Variants in PCDHGB7 observed in about 807,000 individuals in gnomAD.
PCDHGB7 encodes the protein protocadherin gamma subfamily B, 7.
A neutral mutation model predicts 61.4 loss-of-function variants in PCDHGB7; 37 were observed. The ratio of observed to expected loss-of-function variants is 0.60; its 90% CI spans 0.46 to 0.79. The LOEUF is 0.79. Ranked by LOEUF, PCDHGB7 falls within the 30% of genes least tolerant of loss-of-function variation. The probability of loss-of-function intolerance (pLI) is 0.00; values close to 1 mark genes in which losing one functional copy is unlikely to be tolerated. For missense variants in PCDHGB7, 1,166 were observed against 1,202.5 expected, an observed-to-expected ratio of 0.97 and a Z score of 0.45; for synonymous variants, 464 against 503.5, an observed-to-expected ratio of 0.92 and a Z score of 1.05.
Position 141,477,856 on chromosome 5 carries a change from G to T in PCDHGB7, c.2416-16951G>T, listed in dbSNP as rs773703641. ...CAGGTGGGAGCTCGGTGGAGATGCTGCCTCGAGGTACCTCAGCTGGCCACC... is the reference window on the plus strand; with the variant it reads ...CAGGTGGGAGCTCGGTGGAGATGCTTCCTCGAGGTACCTCAGCTGGCCACC... On this transcript the variant is annotated intron_variant, in intron 1 of 3. Coordinates refer to ENST00000398594, the MANE Select transcript of PCDHGB7 (RefSeq NM_018927.4). This position sits in a 1 kb window ranked among gnomAD's most constrained non-coding sequence, Gnocchi z 4.9. 1 of 1,613,474 alleles carries T rather than the reference G, an allele frequency of 6.2e-7. No homozygotes were observed. Among genetic ancestry groups the T allele is most frequent in the Non-Finnish European group, 8.5e-7 (1 of 1,179,854 alleles).
intron 1 of PCDHGB7, among the ~76,000 whole-genome samples, chr5:141,462,337 T>C (rs1053544147): frequency 6.6e-6 from 1 of 152,260 alleles, no homozygotes; most frequent in Non-Finnish European, 1.5e-5. Context: ...TTAATTGTAT[T>C]GTGATCCAAA....
intron 2 of PCDHGB7, among the ~76,000 whole-genome samples, chr5:141,501,984 G>A (rs989251578): frequency 2.0e-5 from 3 of 152,042 alleles, no homozygotes; most frequent in African/African-American, 4.8e-5. Context: ...ATCTGGTCCC[G>A]TTGTCTCCCT....
chr5:141,485,607 C>T lies in PCDHGB7; in HGVS notation c.2416-9200C>T. On this transcript the variant is annotated intron_variant, in intron 1 of 3. Coordinates refer to ENST00000398594, the MANE Select transcript of PCDHGB7 (RefSeq NM_018927.4). The surrounding 1 kb of genome is among the most constrained non-coding windows in gnomAD (Gnocchi z 5.7). ...CAGCTGGACTTGGAAATTGGGGAGG[C>T]AGCTCCTCCAGGACAGCGTTTCCCG... is the stretch of plus-strand genomic sequence containing the variant. 1 of 1,612,008 alleles carries T rather than the reference C, an allele frequency of 6.2e-7. No individual in the cohort carries two copies. The highest frequency in any genetic ancestry group is 8.5e-7 in the Non-Finnish European group (1 of 1,178,534).
intron 1 of PCDHGB7, among the ~76,000 whole-genome samples, chr5:141,448,043 G>A (rs1000669754): frequency 3.3e-5 from 5 of 151,870 alleles, no homozygotes; most frequent in African/African-American, 1.2e-4. Context: ...CCAAGATCAT[G>A]CCATTGCTCT....
intron 1 of PCDHGB7, chr5:141,478,531 C>G (rs771145308): frequency 1.2e-6 from 2 of 1,608,190 alleles, no homozygotes; most frequent in East Asian, 2.2e-5. Context: ...GTGCAGAGAG[C>G]GCCCCTCCCG....
In PCDHGB7 at chr5:141,421,903, G is replaced by T. The variant is rs757656265; in HGVS notation, c.2415+1629G>T. 2.5e-6 allele frequency: 4 copies of T among 1,613,704 alleles called. No homozygotes were observed. In the East Asian group the frequency reaches 6.7e-5, roughly 27 times the overall value. ...TGGAGGCGATCCCATCCGAAAGGGCGCAGTTCCCATTCGTGTGGTGGTCCT... is the reference window on the plus strand; with the variant it reads ...TGGAGGCGATCCCATCCGAAAGGGCTCAGTTCCCATTCGTGTGGTGGTCCT... On this transcript the variant is annotated intron_variant, in intron 1 of 3. Transcript: ENST00000398594.
intron 1 of PCDHGB7, among the ~76,000 whole-genome samples, chr5:141,482,141 A>C (rs1302783884): frequency 6.6e-6 from 1 of 152,116 alleles, no homozygotes; most frequent in African/African-American, 2.4e-5. Flanking sequence ...GCTGGCATAA[A>C]AAGGTCAAGT....
rs61612330 is a variant in PCDHGB7, at chr5:141,454,796, A to ATTTTTTTTTTTTTTTTTT, written c.2415+34534_2415+34551dup. Reference sequence around the variant, plus strand: ...AAGGAAATAATCCTCCATGGTTCTAATTTTTTTTTTTTTTTTTTTTTTTTT... The same window carrying ATTTTTTTTTTTTTTTTTT: ...AAGGAAATAATCCTCCATGGTTCTAATTTTTTTTTTTTTTTTTTTTTTTTTTTTTTTTTTTTTTTTTTT... On this transcript the variant is annotated intron_variant, in intron 1 of 3. Coordinates refer to ENST00000398594, the MANE Select transcript of PCDHGB7 (RefSeq NM_018927.4). 9.0e-4 allele frequency among the ~76,000 whole-genome samples: 70 copies of ATTTTTTTTTTTTTTTTTT among 77,458 alleles called. 9 individuals carry two copies. Among genetic ancestry groups the ATTTTTTTTTTTTTTTTTT allele is most frequent in the Non-Finnish European group, 1.1e-3 (48 of 42,814 alleles). The allele number at this position is 77,458 out of a possible 152,430, so 50.8% of individuals were successfully genotyped here. A position where few individuals can be genotyped will look rare whatever the true frequency, so the allele number is the denominator to read the frequency against.
intron 1 of PCDHGB7, among the ~76,000 whole-genome samples, chr5:141,480,195 G>C (rs1350891459): frequency 6.6e-6 from 1 of 151,182 alleles, no homozygotes; most frequent in African/African-American, 2.4e-5. Flanking sequence ...CTTGAGGCCA[G>C]CAGTTCAAGA....
At chr5:141,492,993 G>A (rs952802686) in intron 1 of PCDHGB7, among the ~76,000 whole-genome samples, 5 of 152,216 alleles carry the variant, frequency 3.3e-5, no homozygotes, top group African/African-American at 1.2e-4. Flanking sequence ...CTGGCAGATG[G>A]AAAGCTATAG....
Position 141,431,240 on chromosome 5 carries a change from G to A in PCDHGB7, c.2415+10966G>A, listed in dbSNP as rs1402814836. 6 of 1,614,044 alleles carry A rather than the reference G, an allele frequency of 3.7e-6. No individual in the cohort carries two copies. Among genetic ancestry groups the A allele is most frequent in the Non-Finnish European group, 5.1e-6 (6 of 1,180,056 alleles). On this transcript the variant is annotated intron_variant, in intron 1 of 3. Coordinates refer to ENST00000398594, the MANE Select transcript of PCDHGB7 (RefSeq NM_018927.4). The surrounding 1 kb of genome is among the most constrained non-coding windows in gnomAD (Gnocchi z 4.8). Reference sequence around the variant, plus strand: ...CCCTCTACCCCACGCCTGGGATCCGGATATCGGGAAGAACTCTCTGCAGAG... The same window carrying A: ...CCCTCTACCCCACGCCTGGGATCCGAATATCGGGAAGAACTCTCTGCAGAG...
chr5:141,463,616 T>C (rs941383375), intron 1 of PCDHGB7, among the ~76,000 whole-genome samples: 28 of 151,762 alleles, frequency 1.8e-4, no homozygotes, highest in Non-Finnish European at 2.1e-4. Flanking sequence ...GCCCGGCTAA[T>C]TTTTTGTATT....
At position 141,476,946 on chromosome 5, in the gene PCDHGB7, G is replaced by A; in HGVS notation, c.2416-17861G>A. ...ACGGATCTGGATGAAGGCCCCAACG[G>A]TGAAATTATTTACTCCTTCGGCAGC... On this transcript the variant is annotated intron_variant, in intron 1 of 3. Transcript: ENST00000398594. The surrounding 1 kb of genome is among the most constrained non-coding windows in gnomAD (Gnocchi z 7.6). The A allele has an allele frequency of 6.2e-7, 1 of 1,614,206 alleles. No individual in the cohort carries two copies. Among genetic ancestry groups the A allele is most frequent in the Non-Finnish European group, 8.5e-7 (1 of 1,180,044 alleles).
chr5:141,455,660 G>A (rs1485792613), intron 1 of PCDHGB7, among the ~76,000 whole-genome samples: 1 of 152,134 alleles, frequency 6.6e-6, no homozygotes, highest in Non-Finnish European at 1.5e-5. Flanking sequence ...CCAGGAACTT[G>A]TGGGGCAAGG....
rs370127569 is a variant in PCDHGB7 at position 141,422,859 on chromosome 5, C to T, written c.2415+2585C>T. 1.4e-5 allele frequency: 22 copies of T among 1,614,148 alleles called. No homozygotes were observed. In the African/African-American group the frequency reaches 2.5e-4, roughly 19 times the overall value. ...GTGACAGCGGGGACCCGCCCCTCAG[C>T]AGCAACGTGTCGCTGAGCCTGTTCG... On this transcript the variant is annotated intron_variant, in intron 1 of 3. Transcript: ENST00000398594.
rs77976889 is a variant in PCDHGB7, at chr5:141,493,704, G to C, written c.2416-1103G>C. On this transcript the variant is annotated intron_variant, in intron 1 of 3. Transcript: ENST00000398594. This position sits in a 1 kb window ranked among gnomAD's most constrained non-coding sequence, Gnocchi z 4.3. ...GTGCTGGTGACTCCCGATACACCTG[G>C]AATGCTAGGTTTCTGGGTTCTGCTC... Among the ~76,000 whole-genome samples the C allele has an allele frequency of 1.7e-3, 258 of 152,278 alleles. 2 individuals are homozygous for C. The highest frequency in any genetic ancestry group is 5.7e-3 in the African/African-American group (237 of 41,540).
chr5:141,433,358 C>CCTATCTAT (rs3074541), intron 1 of PCDHGB7: 29,853 of 503,480 alleles, frequency 0.059, 1,017 homozygotes, highest in East Asian at 0.071. Context: ...CTACTGTCTG[C>CCTATCTAT]CTATCTATCT....
intron 2 of PCDHGB7, among the ~76,000 whole-genome samples, chr5:141,501,620 T>G (rs1393018933): frequency 6.6e-6 from 1 of 152,090 alleles, no homozygotes; most frequent in Non-Finnish European, 1.5e-5. Context: ...GACTCTGGTA[T>G]AGTCTCTCAA....
intron 1 of PCDHGB7, chr5:141,423,295 C>A: frequency 6.2e-7 from 1 of 1,614,146 alleles, no homozygotes; most frequent in Non-Finnish European, 8.5e-7. Context: ...AACCTCAGAC[C>A]TCTCGCTGTA....
Sources: allele counts gnomAD v4.1 joint callset (sites outside exome capture counted in the v4.1 genomes callset), GRCh38; gene constraint gnomAD v4.1.1; non-coding constraint Gnocchi (gnomAD v3.1); transcripts MANE v1.5; gene names NCBI Gene and HGNC (gene_info 2026-07-23, HGNC 2026-07-21).